The following LATS1 variants were observed in gnomAD, a reference collection of about 807,000 sequenced individuals.
LATS1 encodes serine/threonine-protein kinase LATS1.
LATS1 carries 25 observed loss-of-function variants against 106.6 expected under a neutral mutation model. That is an observed-to-expected ratio of 0.23 (90% CI 0.17 to 0.33). The LOEUF (loss-of-function observed/expected upper bound fraction) is 0.33. Ranked by LOEUF, LATS1 falls within the 10% of genes least tolerant of loss-of-function variation. The probability of loss-of-function intolerance (pLI) is 1.00; values close to 1 mark genes in which losing one functional copy is unlikely to be tolerated. For synonymous variants in LATS1, 465 were observed against 455.6 expected (o/e 1.02, Z -0.26); for missense variants, 1,040 against 1,382.6 (o/e 0.75, Z 3.93).
At chr6:149,667,009 A>G (rs1781188930) in intron 7 of LATS1, among the ~76,000 whole-genome samples, 1 of 152,084 alleles carries the variant, frequency 6.6e-6, no homozygotes, top group Admixed American at 6.6e-5. Context: ...AGGTCTCAGC[A>G]AAGAAATTGA....
intron 4 of LATS1, among the ~76,000 whole-genome samples, chr6:149,680,989 A>G (rs1782005684): frequency 6.6e-6 from 1 of 152,108 alleles, no homozygotes; most frequent in African/African-American, 2.4e-5. Flanking sequence ...CCTATTCTCA[A>G]TAAATATACA....
At position 149,677,993 on chromosome 6, in the gene LATS1, C is replaced by T. The variant is rs149514837; in HGVS notation, c.2594-1256G>A. On this transcript the variant is annotated intron_variant, in intron 5 of 7. Transcript: ENST00000543571. ...CGAGATCGCGCCACTGCACTCCAGC[C>T]TGGCAACAGACCAAAACTCCGTCTC... 1.5e-3 allele frequency among the ~76,000 whole-genome samples: 218 copies of T among 146,814 alleles called. 1 individual carries two copies. Among genetic ancestry groups the T allele is most frequent in the African/African-American group, 5.2e-3 (205 of 39,410 alleles).
At chr6:149,703,146 G>C (rs1293126677) in intron 1 of LATS1, among the ~76,000 whole-genome samples, 1 of 150,668 alleles carries the variant, frequency 6.6e-6, no homozygotes, top group East Asian at 2.0e-4. Context: ...GCTAATTTTT[G>C]TATCGTTTAG....
chr6:149,662,940 T>C (rs900724888), intron 7 of LATS1, among the ~76,000 whole-genome samples: 3 of 144,080 alleles, frequency 2.1e-5, no homozygotes, highest in Non-Finnish European at 3.0e-5. Context: ...CACTCCAGCC[T>C]GTGTGACAGA....
intron 7 of LATS1, among the ~76,000 whole-genome samples, chr6:149,673,530 C>T (rs1322792946): frequency 3.3e-5 from 5 of 151,876 alleles, no homozygotes; most frequent in African/African-American, 1.2e-4. Flanking sequence ...CTCTCATACA[C>T]CTACACACAA....
chr6:149,686,941 T>C lies in LATS1; in HGVS notation c.497-2349A>G, dbSNP rs147487922. ...ATTCTCATGATTGTATTTCAAACTT[T>C]GGTATTACTCATATCTGCTCTTGTT... is the stretch of plus-strand genomic sequence containing the variant. On this transcript the variant is annotated intron_variant, in intron 3 of 7. Transcript: ENST00000543571. Among the ~76,000 whole-genome samples, 595 of 152,308 alleles carry C rather than the reference T, an allele frequency of 3.9e-3. 10 individuals are homozygous for C. The highest frequency in any genetic ancestry group is 0.037 in the Admixed American group (568 of 15,280).
rs1022795089 is a variant in LATS1 at position 149,697,269 on chromosome 6, C to T, written c.349-2048G>A. On this transcript the variant is annotated intron_variant, in intron 2 of 7. Transcript: ENST00000543571. ...ACTTATTGCCTACCTAAGGTCATTT[C>T]TCCCTTTCTTAGAAAAAGTTACTGA... 3 of 617,070 alleles carry T rather than the reference C, an allele frequency of 4.9e-6. No individual in the cohort carries two copies. The African/African-American group carries it at 5.7e-5, about 12-fold the overall frequency. The allele number at this position is 617,070 out of a possible 1,614,324, so 38.2% of individuals were successfully genotyped here.
chr6:149,682,102 TGTC>T (rs1023337781), intron 4 of LATS1, among the ~76,000 whole-genome samples: 8 of 134,632 alleles, frequency 5.9e-5, no homozygotes, highest in East Asian at 2.8e-4. Flanking sequence ...CAGAGTGAGA[TGTC>T]GTCTCAAAAA....
chr6:149,677,257 A>G (rs1781771517), intron 5 of LATS1, among the ~76,000 whole-genome samples: 1 of 152,230 alleles, frequency 6.6e-6, no homozygotes, highest in Admixed American at 6.5e-5. Flanking sequence ...GCTAGGGAAG[A>G]CCAGTTAAGA....
intron 2 of LATS1, among the ~76,000 whole-genome samples, chr6:149,696,559 TAAAAAAAAAAAAAAA>T (rs372769091): frequency 8.7e-5 from 4 of 45,820 alleles, no homozygotes; most frequent in Non-Finnish European, 1.5e-4. Context: ...AACTCCGTCT[TAAAAAAAAAAAAAAA>T]AAAAAAAAAA....
rs1264363160 is a variant in LATS1 at position 149,702,245 on chromosome 6, T to G, written c.-119A>C. On this transcript the variant is annotated 5_prime_UTR_variant, in exon 2 of 8. Transcript: ENST00000543571. ...GAAGTCCCCAGGACTGTTAAAATTCTTTACAATATAAATAATTAACTCTGT... is the reference window on the plus strand; with the variant it reads ...GAAGTCCCCAGGACTGTTAAAATTCGTTACAATATAAATAATTAACTCTGT... 1 of 606,732 alleles carries G rather than the reference T, an allele frequency of 1.6e-6. No individual in the cohort carries two copies. The highest frequency in any genetic ancestry group is 1.8e-5 in the African/African-American group (1 of 54,126). The allele number at this position is 606,732 out of a possible 1,614,324, so 37.6% of individuals were successfully genotyped here.
intron 1 of LATS1, among the ~76,000 whole-genome samples, chr6:149,707,050 C>G (rs1783819993): frequency 7.8e-6 from 1 of 128,516 alleles, no homozygotes; most frequent in Non-Finnish European, 1.5e-5. Context: ...GAGTCTCGCT[C>G]TGTTGCCCAG....
intron 7 of LATS1, among the ~76,000 whole-genome samples, chr6:149,672,922 C>A (rs554911805): frequency 6.6e-6 from 1 of 151,864 alleles, no homozygotes; most frequent in East Asian, 1.9e-4. Context: ...CCAGTCTGGG[C>A]AACAAGAGTG....
chr6:149,689,125 G>A (rs1190474673), intron 3 of LATS1, among the ~76,000 whole-genome samples: 2 of 151,854 alleles, frequency 1.3e-5, no homozygotes, highest in South Asian at 2.1e-4. Flanking sequence ...CTGAGATAGC[G>A]CCACTGCACT....
At chr6:149,694,996 GAAGA>G (rs1394872284) in intron 3 of LATS1, 74 bp downstream of exon 3, 68 of 1,188,396 alleles carry the variant, frequency 5.7e-5, no homozygotes, top group Middle Eastern at 2.1e-4. Context: ...TTCTAAGAAG[GAAGA>G]TTTGATAGAC....
intron 1 of LATS1, among the ~76,000 whole-genome samples, chr6:149,714,353 C>G (rs1197131304): frequency 6.6e-6 from 1 of 152,086 alleles, no homozygotes; most frequent in Non-Finnish European, 1.5e-5. Context: ...AGTGTTCCTC[C>G]TGCCTCAGCC....
At chr6:149,672,201 G>A (rs1255394701) in intron 7 of LATS1, among the ~76,000 whole-genome samples, 1 of 147,772 alleles carries the variant, frequency 6.8e-6, no homozygotes, top group African/African-American at 2.5e-5. Flanking sequence ...CAAGATCTAT[G>A]ATTTCTTTTC....
At chr6:149,706,019 A>C (rs1425544225) in intron 1 of LATS1, among the ~76,000 whole-genome samples, 1 of 151,408 alleles carries the variant, frequency 6.6e-6, no homozygotes, top group East Asian at 1.9e-4. Flanking sequence ...CCCCGTCTCT[A>C]CTAAAAATAC....
Position 149,683,085 on chromosome 6 carries a change from C to A in LATS1, c.2004G>T (p.Met668Ile), listed in dbSNP as rs888524881. The stretch of plus-strand genomic sequence containing the variant: ...ACATTTTAAAAGGTTTTACCCGCAT[C>A]ATTTCATTCTCTAATTGTTTTTTAC... ...LHRKKQLENEMMRVGLSQDAQ... is the reference protein window; with the variant it reads ...LHRKKQLENEIMRVGLSQDAQ... Residue 668 changes from methionine to isoleucine, a missense_variant, in exon 4 of 8, where the codon ATG becomes ATT. By Grantham distance (10) the Met-to-Ile change is conservative. Coordinates refer to ENST00000543571, the MANE Select transcript of LATS1 (RefSeq NM_004690.4). The A allele has an allele frequency of 6.2e-7, 1 of 1,610,042 alleles. No homozygotes were observed. Among genetic ancestry groups the A allele is most frequent in the African/African-American group, 1.3e-5 (1 of 74,890 alleles).
Sources: gnomAD v4.1 joint callset for allele counts (sites outside exome capture counted in the v4.1 genomes callset) on GRCh38, gnomAD v4.1.1 for gene constraint, MANE v1.5 for transcripts, NCBI Gene and HGNC (gene_info 2026-07-23, HGNC 2026-07-21) for gene names.